The following NUP205 variants were observed in gnomAD, a reference collection of about 807,000 sequenced individuals.
The protein encoded by NUP205 is nucleoporin 205.
Under a neutral mutation model 253.8 loss-of-function variants are expected in NUP205, and 76 were observed. The ratio of observed to expected loss-of-function variants is 0.30; its 90% CI spans 0.25 to 0.36. The LOEUF (loss-of-function observed/expected upper bound fraction) is 0.36, where lower values mean the gene tolerates loss of function less well. NUP205 is among the 10% of genes least tolerant of loss of function. The probability of loss-of-function intolerance (pLI) is 1.00; values close to 1 mark genes in which losing one functional copy is unlikely to be tolerated. For synonymous variants in NUP205, 832 were observed against 850.1 expected (o/e 0.98, Z 0.37); for missense variants, 2,162 against 2,425.5 (o/e 0.89, Z 2.28).
Position 135,593,067 on chromosome 7 carries a change from C to T in NUP205, c.1705C>T (p.Leu569Phe), listed in dbSNP as rs1806671504. The change falls in exon 12 of 43, where the codon CTT (leucine) becomes TTT (phenylalanine). Residue 569 changes from leucine to phenylalanine, a missense_variant. Leu to Phe is a conservative substitution (Grantham distance 22, BLOSUM62 0). Around this residue, in one of 5 missense-constraint regions of NUP205, gnomAD observed 892 missense variants for 957.1 expected, o/e 0.93. Transcript: ENST00000285968. ...CTCCTTGATGCTTTACCACGAACAC[C>T]TTCGGAAGGATCTTCCAAGTGCAGA... ...FHSLMLYHEH[L>F]RKDLPSADSV... The T allele has an allele frequency of 1.2e-6, 2 of 1,613,868 alleles. No homozygotes were observed. Among genetic ancestry groups the T allele is most frequent in the Middle Eastern group, 1.6e-4 (1 of 6,084 alleles).
At chr7:135,628,596 C>T (rs1794642975) in intron 34 of NUP205, among the ~76,000 whole-genome samples, 1 of 152,112 alleles carries the variant, frequency 6.6e-6, no homozygotes, top group Admixed American at 6.6e-5. Flanking sequence ...TTTTTAAATA[C>T]CAGAAATTAG....
intron 1 of NUP205, among the ~76,000 whole-genome samples, chr7:135,567,015 A>G (rs1331707339): frequency 6.6e-6 from 1 of 150,516 alleles, no homozygotes; most frequent in Admixed American, 6.7e-5. Context: ...CTGAGATTAC[A>G]GGTGTGAGCC....
Position 135,591,549 on chromosome 7 carries a change from C to G in NUP205, c.1573C>G (p.Gln525Glu), listed in dbSNP as rs772292162. 6.2e-7 allele frequency: 1 copy of G among 1,613,808 alleles called. No homozygotes were observed. The highest frequency in any genetic ancestry group is 8.5e-7 in the Non-Finnish European group (1 of 1,179,750). Reference sequence around the variant, plus strand: ...GCTCCAGGGATTGGCCAATGGGCCTCAGTGTGCCCACTACTGTTTCAGCCT... The same window carrying G: ...GCTCCAGGGATTGGCCAATGGGCCTGAGTGTGCCCACTACTGTTTCAGCCT... ...KMLQGLANGP[Q>E]CAHYCFSLLK... is the part of the protein sequence containing the mutation. The change falls in exon 11 of 43, where the codon CAG becomes GAG. Residue 525 changes from glutamine to glutamate, a missense_variant. Coordinates refer to ENST00000285968, the MANE Select transcript of NUP205 (RefSeq NM_015135.3).
rs200132975 is a variant in NUP205 at position 135,619,410 on chromosome 7, C to T, written c.3964-13C>T. 1.2e-5 allele frequency: 20 copies of T among 1,608,562 alleles called. No homozygotes were observed. The highest frequency in any genetic ancestry group is 1.6e-5 in the Non-Finnish European group (19 of 1,177,788). On this transcript the variant is annotated splice_polypyrimidine_tract_variant and intron_variant, in intron 28 of 42. Coordinates refer to ENST00000285968, the MANE Select transcript of NUP205 (RefSeq NM_015135.3). ...AGCAGGATTCTCACTCTAATTTGCC[C>T]TTGTCCTTTAAGATACTGGATGATG...
rs570433746 is a variant in NUP205 at position 135,564,102 on chromosome 7, G to A, written c.28+6130G>A. Among the ~76,000 whole-genome samples, 69 of 151,616 alleles carry A rather than the reference G, an allele frequency of 4.6e-4. 1 individual carries two copies. The highest frequency in any genetic ancestry group is 8.5e-4 in the African/African-American group (35 of 41,256). ...TTTTTTTCTTTTTCTTCTTTGAGAC[G>A]AGGTTTCACTCTGTTGCCCACGCTG... On this transcript the variant is annotated intron_variant, in intron 1 of 42. Coordinates refer to ENST00000285968, the MANE Select transcript of NUP205 (RefSeq NM_015135.3).
At chr7:135,600,426 A>C (rs977152886) in intron 15 of NUP205, among the ~76,000 whole-genome samples, 1 of 152,170 alleles carries the variant, frequency 6.6e-6, no homozygotes, top group Non-Finnish European at 1.5e-5. Flanking sequence ...TGGGGAATTC[A>C]TTCACTGCTC....
At chr7:135,576,729 ATAAT>A (rs1389294592) in intron 4 of NUP205, among the ~76,000 whole-genome samples, 2 of 152,112 alleles carry the variant, frequency 1.3e-5, no homozygotes, top group Non-Finnish European at 2.9e-5. Flanking sequence ...AAAAAATAGA[ATAAT>A]TAACTGGGCA....
At chr7:135,609,754 T>C (rs1272005000) in intron 22 of NUP205, among the ~76,000 whole-genome samples, 1 of 152,246 alleles carries the variant, frequency 6.6e-6, no homozygotes. Flanking sequence ...CTATCTTTTC[T>C]GTCCTCCGGC....
At chr7:135,602,077 A>C (rs1793978381) in intron 17 of NUP205, among the ~76,000 whole-genome samples, 1 of 152,176 alleles carries the variant, frequency 6.6e-6, no homozygotes, top group South Asian at 2.1e-4. Flanking sequence ...CTGGGATTTG[A>C]ACCTAGTCAT....
chr7:135,584,003 G>A (rs932683707), intron 7 of NUP205, among the ~76,000 whole-genome samples: 13 of 151,920 alleles, frequency 8.6e-5, no homozygotes, highest in Admixed American at 2.6e-4. Flanking sequence ...TACCACACCC[G>A]GCTAATTTTT....
At chr7:135,567,054 A>C (rs569763254) in intron 1 of NUP205, among the ~76,000 whole-genome samples, 1 of 141,392 alleles carries the variant, frequency 7.1e-6, no homozygotes, top group Non-Finnish European at 1.5e-5. Flanking sequence ...TTCTTTGTTT[A>C]ATGTCTGTCA....
intron 18 of NUP205, 106 bp from the exon 19 acceptor site, chr7:135,604,234 G>T: frequency 1.2e-6 from 1 of 857,812 alleles, no homozygotes; most frequent in Non-Finnish European, 1.7e-6. Context: ...TTACCTTGAA[G>T]TGCTGTATGG....
chr7:135,618,583 T>A lies in NUP205; in HGVS notation c.3943T>A (p.Leu1315Ile). 5.0e-6 allele frequency: 8 copies of A among 1,605,094 alleles called. No individual in the cohort carries two copies. The highest frequency in any genetic ancestry group is 6.8e-6 in the Non-Finnish European group (8 of 1,175,344). Residue 1315 changes from leucine to isoleucine, a missense_variant, in exon 28 of 43, where the codon TTA becomes ATA. Coordinates refer to ENST00000285968, the MANE Select transcript of NUP205 (RefSeq NM_015135.3). ...TCGACAACTGATTATTCGTGATATT[T>A]TACAAGATGTGCATGATAAGGTGAC... ...EDRQLIIRDI[L>I]QDVHDKILDD...
chr7:135,606,277 G>A (rs1332807383), intron 20 of NUP205, 51 bp downstream of exon 20: 2 of 1,149,520 alleles, frequency 1.7e-6, no homozygotes, highest in African/African-American at 1.5e-5. Flanking sequence ...TTTTATATAT[G>A]CTTAATTTAA....
Position 135,577,135 on chromosome 7 carries a change from G to A in NUP205, c.648+7G>A. The A allele has an allele frequency of 6.2e-7, 1 of 1,601,932 alleles. No homozygotes were observed. The highest frequency in any genetic ancestry group is 8.5e-7 in the Non-Finnish European group (1 of 1,175,822). ...TGAAAAACATCGCAAAGAGGCAAGG[G>A]TTCAATGAAATCAATTCATGAGTTG... On this transcript the variant is annotated splice_region_variant and intron_variant, in intron 5 of 42. Transcript: ENST00000285968.
intron 14 of NUP205, 134 bp downstream of exon 14, chr7:135,597,552 T>G: frequency 1.7e-6 from 1 of 595,694 alleles, no homozygotes. Flanking sequence ...GGTTTTCTGA[T>G]CAGTGTTGAA....
rs769710253 is a variant in NUP205 at position 135,557,988 on chromosome 7, CAGAA to C, written c.28+20_28+23del. The C allele has an allele frequency of 1.6e-5, 26 of 1,608,214 alleles. No homozygotes were observed. The highest frequency in any genetic ancestry group is 8.9e-5 in the East Asian group (4 of 44,862). ...GTAAATTCGGGTAAGTGTGGCCAGA[CAGAA>C]AGACGATTGAGCTGAGCGATAACCA... On this transcript the variant is annotated intron_variant, in intron 1 of 42. Transcript: ENST00000285968.
intron 1 of NUP205, among the ~76,000 whole-genome samples, chr7:135,568,370 T>C (rs1175879565): frequency 6.6e-6 from 1 of 151,902 alleles, no homozygotes; most frequent in African/African-American, 2.4e-5. Flanking sequence ...TCTCACTCTG[T>C]CACCCAGGCT....
At chr7:135,644,777 G>A (rs575700522) in intron 39 of NUP205, 118 bp from the exon 40 acceptor site, 1 of 985,764 alleles carries the variant, frequency 1.0e-6, no homozygotes, top group Non-Finnish European at 1.5e-6. Context: ...TATCTGCAAG[G>A]ATGTTTAAAT....
Sources: gnomAD v4.1 joint callset for allele counts (sites outside exome capture counted in the v4.1 genomes callset) on GRCh38, gnomAD v4.1.1 for gene constraint, gnomAD v4.1.1 regional missense constraint, MANE v1.5 for transcripts, NCBI Gene and HGNC (gene_info 2026-07-23, HGNC 2026-07-21) for gene names.